The following IMPG2 variants were observed in gnomAD, a reference collection of about 807,000 sequenced individuals.
The protein encoded by IMPG2 is interphotoreceptor matrix proteoglycan 2.
Under a neutral mutation model 129.2 loss-of-function variants are expected in IMPG2, and 91 were observed. The ratio of observed to expected loss-of-function variants is 0.70; its 90% confidence interval spans 0.59 to 0.84. The LOEUF (loss-of-function observed/expected upper bound fraction) is 0.84, where lower values mean the gene tolerates loss of function less well. IMPG2 is among the 40% of genes least tolerant of loss of function. The probability of loss-of-function intolerance (pLI) is 0.00; values close to 1 mark genes in which losing one functional copy is unlikely to be tolerated. For synonymous variants in IMPG2, 510 were observed against 517.7 expected (o/e 0.99, Z 0.20); for missense variants, 1,430 against 1,461.7 (o/e 0.98, Z 0.35).
chr3:101,319,028 T>C (rs2058797882), intron 2 of IMPG2, among the ~76,000 whole-genome samples: 2 of 152,000 alleles, frequency 1.3e-5, no homozygotes, highest in South Asian at 4.1e-4. Context: ...ATAGAAACAT[T>C]ATATTTGTAT....
chr3:101,260,586 C>G (rs1452249284), intron 9 of IMPG2, among the ~76,000 whole-genome samples: 1 of 152,132 alleles, frequency 6.6e-6, no homozygotes, highest in Non-Finnish European at 1.5e-5. Context: ...ACCATAGGCA[C>G]CTGCTCTGGT....
chr3:101,262,070 T>G (rs1297622752), intron 9 of IMPG2, among the ~76,000 whole-genome samples: 4 of 152,130 alleles, frequency 2.6e-5, no homozygotes, highest in Non-Finnish European at 4.4e-5. Flanking sequence ...CCTGATTGAC[T>G]GTTTGATGCA....
chr3:101,305,191 C>A (rs1707176341), intron 2 of IMPG2, among the ~76,000 whole-genome samples: 1 of 152,012 alleles, frequency 6.6e-6, no homozygotes, highest in African/African-American at 2.4e-5. Flanking sequence ...CCATAAAAGA[C>A]ATGGAGAAAA....
Position 101,226,581 on chromosome 3 carries a change from T to C in IMPG2, c.*388A>G, listed in dbSNP as rs114271586. 325 of 183,404 alleles carry C rather than the reference T, an allele frequency of 1.8e-3. No individual in the cohort carries two copies. The highest frequency in any genetic ancestry group is 7.3e-3 in the African/African-American group (312 of 42,534). 11.4% of individuals were successfully genotyped at this position (183,404 alleles called of 1,614,324 possible). A position where few individuals can be genotyped will look rare whatever the true frequency, so the allele number is the denominator to read the frequency against. ...AAATATTCCCTTACTAAGCCAGACT[T>C]CTCCATGGAAGAGTCTCACCTTATT... On this transcript the variant is annotated 3_prime_UTR_variant, in exon 19 of 19. Transcript: ENST00000193391.
intron 9 of IMPG2, among the ~76,000 whole-genome samples, chr3:101,261,129 T>C (rs1312232087): frequency 1.3e-5 from 2 of 152,206 alleles, no homozygotes; most frequent in Non-Finnish European, 2.9e-5. Flanking sequence ...AGCCCAGCTC[T>C]GTGAGGATGT....
intron 14 of IMPG2, among the ~76,000 whole-genome samples, chr3:101,235,294 C>G (rs892383608): frequency 1.3e-5 from 2 of 152,206 alleles, no homozygotes; most frequent in African/African-American, 2.4e-5. Context: ...TGACTGCAAC[C>G]CATCCCATGA....
At chr3:101,318,675 T>A (rs1194880680) in intron 2 of IMPG2, among the ~76,000 whole-genome samples, 1 of 152,148 alleles carries the variant, frequency 6.6e-6, no homozygotes, top group Non-Finnish European at 1.5e-5. Flanking sequence ...AATAAATGCA[T>A]GAATTTAAAA....
intron 15 of IMPG2, among the ~76,000 whole-genome samples, chr3:101,232,196 G>A (rs1003936965): frequency 1.3e-5 from 2 of 151,474 alleles, no homozygotes; most frequent in African/African-American, 4.9e-5. Flanking sequence ...ATCTCCATCT[G>A]CTCCAAGTAG....
At chr3:101,307,817 T>C (rs1277635620) in intron 2 of IMPG2, among the ~76,000 whole-genome samples, 1 of 152,180 alleles carries the variant, frequency 6.6e-6, no homozygotes, top group South Asian at 2.1e-4. Flanking sequence ...TCTTAACTCA[T>C]TCCAGCATTA....
intron 2 of IMPG2, among the ~76,000 whole-genome samples, chr3:101,315,164 G>A (rs1017451870): frequency 1.3e-4 from 20 of 152,096 alleles, no homozygotes; most frequent in African/African-American, 3.4e-4. Flanking sequence ...ACCTTTAATC[G>A]AAACACAGAA....
chr3:101,275,648 CAG>C lies in IMPG2; in HGVS notation c.666+13_666+14del, dbSNP rs1253407415. 10 of 1,575,054 alleles carry C rather than the reference CAG, an allele frequency of 6.3e-6. No homozygotes were observed. Among genetic ancestry groups the C allele is most frequent in the Middle Eastern group, 1.7e-4 (1 of 6,026 alleles). On this transcript the variant is annotated intron_variant, in intron 6 of 18. Transcript: ENST00000193391. ...CCATGTTAGAAACTAACTAACAAAA[CAG>C]AGCATCACTCACACTCTCCTCTGGC...
chr3:101,230,862 C>T, intron 16 of IMPG2, 95 bp downstream of exon 16: 3 of 1,097,052 alleles, frequency 2.7e-6, no homozygotes, highest in Non-Finnish European at 4.1e-6. Context: ...TTCCACCCAG[C>T]CAGCTCCTTG....
chr3:101,231,109 C>A lies in IMPG2; in HGVS notation c.3270G>T (p.Lys1090Asn). 1 of 1,614,160 alleles carries A rather than the reference C, an allele frequency of 6.2e-7. No homozygotes were observed. Among genetic ancestry groups the A allele is most frequent in the South Asian group, 1.1e-5 (1 of 91,082 alleles). ...RVGENWWYRG[K>N]HCEEFVSEPV... ...GCTCAGACACAAATTCCTCACAGTG[C>A]TTGCCTCGGTACCACCAGTTCTCAC... Residue 1090 changes from lysine (K) to asparagine (N), a missense_variant, in exon 16 of 19, where the codon AAG becomes AAT. By Grantham distance (94) the Lys-to-Asn change is moderately conservative. Transcript: ENST00000193391.
In IMPG2 at chr3:101,319,842, G is replaced by A. The variant is rs754403018; in HGVS notation, c.86-10C>T. ...GATAAGTAGGTTTGTGCTACAGAGT[G>A]AAAGTATAGTCAAGTCTTCGATAAT... On this transcript the variant is annotated splice_polypyrimidine_tract_variant and intron_variant, in intron 1 of 18. Transcript: ENST00000193391. 1.2e-6 allele frequency: 2 copies of A among 1,609,428 alleles called. No homozygotes were observed. The highest frequency in any genetic ancestry group is 3.3e-5 in the Admixed American group (2 of 59,878).
Position 101,232,802 on chromosome 3 carries a change from G to T in IMPG2, c.3212C>A (p.Pro1071His), listed in dbSNP as rs1706304069. The change falls in exon 15 of 19, where the codon CCT becomes CAT. Residue 1071 changes from proline (P) to histidine (H), a missense_variant. Pro to His is a moderately conservative substitution (Grantham distance 77). Coordinates refer to ENST00000193391, the MANE Select transcript of IMPG2 (RefSeq NM_016247.4). ...CLNDGKCDIMPGHGAICRCRV... is the reference protein window; with the variant it reads ...CLNDGKCDIMHGHGAICRCRV... Reference sequence around the variant, plus strand: ...ATACCTACAAATGGCCCCGTGCCCAGGCATAATGTCACACTTTCCATCATT... The same window carrying T: ...ATACCTACAAATGGCCCCGTGCCCATGCATAATGTCACACTTTCCATCATT... 1 of 1,613,468 alleles carries T rather than the reference G, an allele frequency of 6.2e-7. No homozygotes were observed. The highest frequency in any genetic ancestry group is 1.1e-5 in the South Asian group (1 of 91,042).
chr3:101,297,204 G>A (rs1429717860), intron 3 of IMPG2, among the ~76,000 whole-genome samples: 1 of 152,148 alleles, frequency 6.6e-6, no homozygotes, highest in Non-Finnish European at 1.5e-5. Context: ...CACCACGCCC[G>A]GCCGGCAGTT....
At chr3:101,256,855 A>G (rs1022092149) in intron 10 of IMPG2, among the ~76,000 whole-genome samples, 1 of 152,126 alleles carries the variant, frequency 6.6e-6, no homozygotes. Flanking sequence ...GTGAGTTAGC[A>G]GGATACCGTG....
In IMPG2 at chr3:101,273,528, GA is replaced by G; in HGVS notation, c.828+52del. On this transcript the variant is annotated intron_variant, in intron 7 of 18. Coordinates refer to ENST00000193391, the MANE Select transcript of IMPG2 (RefSeq NM_016247.4). Reference sequence around the variant, plus strand: ...TCTTTAAACAGTGTTGTGAATATAGGAAACTAACATAGCAGGCATACTGCCT... The same window carrying G: ...TCTTTAAACAGTGTTGTGAATATAGGAACTAACATAGCAGGCATACTGCCT... 7 of 1,569,252 alleles carry G rather than the reference GA, an allele frequency of 4.5e-6. No homozygotes were observed. In the South Asian group the frequency reaches 7.8e-5, roughly 18 times the overall value.
intron 4 of IMPG2, 131 bp from the exon 5 acceptor site, chr3:101,276,844 A>G: frequency 1.5e-6 from 1 of 666,392 alleles, no homozygotes; most frequent in Non-Finnish European, 2.7e-6. Context: ...AAAGTACCAA[A>G]AAGCAAAGTT....
Sources: allele counts gnomAD v4.1 joint callset (sites outside exome capture counted in the v4.1 genomes callset), GRCh38; gene constraint gnomAD v4.1.1; transcripts MANE v1.5; gene names NCBI Gene and HGNC (gene_info 2026-07-23, HGNC 2026-07-21).